Variants in DSC3 observed in about 807,000 individuals in gnomAD.
DSC3 encodes the protein desmocollin 3.
Under a neutral mutation model 89.5 loss-of-function variants are expected in DSC3, and 97 were observed. That is an observed-to-expected ratio of 1.08 (90% CI 0.92 to 1.28). The LOEUF is 1.28. DSC3 is among the 50% of genes most tolerant of loss of function. The pLI, the probability that DSC3 is intolerant of heterozygous loss-of-function variation, is 0.00. For missense variants in DSC3, 1,199 were observed against 1,085.3 expected, an observed-to-expected ratio of 1.10 and a Z score of -1.47; for synonymous variants, 436 against 384.1, an observed-to-expected ratio of 1.14 and a Z score of -1.58.
intron 13 of DSC3, among the ~76,000 whole-genome samples, chr18:31,001,974 C>G (rs985467796): frequency 2.0e-5 from 3 of 151,572 alleles, no homozygotes; most frequent in African/African-American, 7.3e-5. Flanking sequence ...TTCTGCCCAT[C>G]AAAATAAAGT....
chr18:31,038,751 G>A (rs1025345184), intron 1 of DSC3, among the ~76,000 whole-genome samples: 12 of 151,978 alleles, frequency 7.9e-5, no homozygotes, highest in Non-Finnish European at 1.6e-4. Flanking sequence ...ATGAACATTA[G>A]GGTATTCACG....
intron 13 of DSC3, among the ~76,000 whole-genome samples, chr18:31,002,779 C>A (rs1460290036): frequency 6.6e-6 from 1 of 151,360 alleles, no homozygotes. Context: ...ATATAATGTT[C>A]TATTGGAACA....
In DSC3 at chr18:31,022,281, G is replaced by A. The variant is rs1985446587; in HGVS notation, c.942+55C>T. ...ACAGGATAGCAAGTTATAATAAATGGGGGAGGGAAGCTTAATCCTCAGCGA... is the reference window on the plus strand; with the variant it reads ...ACAGGATAGCAAGTTATAATAAATGAGGGAGGGAAGCTTAATCCTCAGCGA... On this transcript the variant is annotated intron_variant, in intron 7 of 15. Transcript: ENST00000360428. The A allele has an allele frequency of 1.9e-6, 3 of 1,599,432 alleles. No homozygotes were observed. The East Asian group carries it at 6.7e-5, about 36-fold the overall frequency.
chr18:31,012,514 A>C (rs1369124852), intron 9 of DSC3, among the ~76,000 whole-genome samples: 1 of 152,174 alleles, frequency 6.6e-6, no homozygotes, highest in Non-Finnish European at 1.5e-5. Flanking sequence ...GACATTCAAC[A>C]CCTGACTGTG....
rs1042406525 is a variant in DSC3 at position 30,992,334 on chromosome 18, C to T, written c.*1841G>A. ...AAGGAGGGCTGCAGAAGGAATACAA[C>T]AATTCCCATGAATGCCTTGTTTGTT... On this transcript the variant is annotated 3_prime_UTR_variant, in exon 16 of 16. Transcript: ENST00000360428. The T allele has an allele frequency of 6.6e-6, 1 of 152,236 alleles. No homozygotes were observed. Among genetic ancestry groups the T allele is most frequent in the African/African-American group, 2.4e-5 (1 of 41,460 alleles). 9.4% of individuals were successfully genotyped at this position (152,236 alleles called of 1,614,324 possible). A position where few individuals can be genotyped will look rare whatever the true frequency, so the allele number is the denominator to read the frequency against.
rs775090037 is a variant in DSC3 at position 31,024,479 on chromosome 18, C to T, written c.645G>A (p.Ala215=). ...EYDVFDLIAY[A]STADGYSADL... ...CTGCTGAATATCCATCTGCAGTTGA[C>T]GCATAAGCAATCAACTGCAAAATAG... The change falls in exon 6 of 16, where the codon GCG becomes GCA. Residue 215 remains alanine, a synonymous_variant. Coordinates refer to ENST00000360428, the MANE Select transcript of DSC3 (RefSeq NM_001941.5). The T allele has an allele frequency of 2.0e-5, 33 of 1,612,366 alleles. No homozygotes were observed. Among genetic ancestry groups the T allele is most frequent in the African/African-American group, 2.7e-5 (2 of 74,834 alleles).
chr18:31,039,143 A>G (rs1986059525), intron 1 of DSC3, among the ~76,000 whole-genome samples: 1 of 152,130 alleles, frequency 6.6e-6, no homozygotes, highest in Non-Finnish European at 1.5e-5. Flanking sequence ...TGATAATATA[A>G]AGTATTACCT....
At chr18:30,997,076 G>A (rs1567948223) in intron 14 of DSC3, 28 bp from the exon 15 acceptor site, 1 of 1,613,604 alleles carries the variant, frequency 6.2e-7, no homozygotes, top group African/African-American at 1.3e-5. Flanking sequence ...AATAATTCAT[G>A]TTGAGAGGAA....
intron 8 of DSC3, among the ~76,000 whole-genome samples, 199 bp from the exon 9 acceptor site, chr18:31,018,455 G>A (rs1047309899): frequency 2.6e-5 from 4 of 152,066 alleles, no homozygotes; most frequent in Non-Finnish European, 5.9e-5. Context: ...AAGACTCATG[G>A]TACTGGCCTT....
At chr18:31,018,045 A>G in intron 9 of DSC3, 26 bp downstream of exon 9, 1 of 1,589,830 alleles carries the variant, frequency 6.3e-7, no homozygotes, top group Non-Finnish European at 8.6e-7. Flanking sequence ...TTAATTTGCT[A>G]AGTTGTCAAT....
chr18:31,012,470 T>C (rs1460526815), intron 9 of DSC3, among the ~76,000 whole-genome samples: 3 of 152,228 alleles, frequency 2.0e-5, no homozygotes, highest in African/African-American at 7.2e-5. Context: ...GTATCTTGGC[T>C]GTATGAACAG....
Position 30,996,799 on chromosome 18 carries a change from G to A in DSC3, c.2485C>T (p.Leu829Phe), listed in dbSNP as rs199793596. 5.6e-6 allele frequency: 9 copies of A among 1,613,556 alleles called. No individual in the cohort carries two copies. The Admixed American group carries it at 6.7e-5, about 12-fold the overall frequency. The change falls in exon 15 of 16, where the codon CTC becomes TTC. Residue 829 changes from leucine (L) to phenylalanine (F), a missense_variant. Physicochemically the swap from Leu to Phe is conservative, Grantham distance 22. Coordinates refer to ENST00000360428, the MANE Select transcript of DSC3 (RefSeq NM_001941.5). ...CACCTAAGGAAACTCACTTCACCGA[G>A]ACGGGGTTGAGTAAAACTGTGCCAC... is the stretch of plus-strand genomic sequence containing the variant. Reference protein sequence around the residue: ...SEWHSFTQPRLGEKLHRCNQN... With the variant: ...SEWHSFTQPRFGEKLHRCNQN...
chr18:31,037,708 G>A (rs188543924), intron 1 of DSC3, among the ~76,000 whole-genome samples: 7 of 152,060 alleles, frequency 4.6e-5, no homozygotes, highest in East Asian at 1.9e-4. Flanking sequence ...GAGACATGCC[G>A]GACCAACATG....
chr18:31,001,089 G>GTATATATATATATATA (rs67608580), intron 14 of DSC3, among the ~76,000 whole-genome samples: 4 of 126,032 alleles, frequency 3.2e-5, no homozygotes, highest in East Asian at 3.0e-4. Flanking sequence ...TTGTGTGTGT[G>GTATATATATATATATA]TATATATATA....
chr18:31,015,694 G>A lies in DSC3; in HGVS notation c.1263+2377C>T, dbSNP rs1985212198. Among the ~76,000 whole-genome samples the A allele has an allele frequency of 1.3e-5, 2 of 152,162 alleles. 1 individual carries two copies. Among genetic ancestry groups the A allele is most frequent in the South Asian group, 4.1e-4 (2 of 4,828 alleles). On this transcript the variant is annotated intron_variant, in intron 9 of 15. Transcript: ENST00000360428. ...AGAGAGACTGGAGAAGCTGCCTTCT[G>A]ACCAAGGAGCAGATAGACAGCACAC...
chr18:31,034,030 TTCG>T (rs1985891310), intron 1 of DSC3, among the ~76,000 whole-genome samples: 1 of 152,206 alleles, frequency 6.6e-6, no homozygotes, highest in African/African-American at 2.4e-5. Flanking sequence ...TTTCACCGTG[TTCG>T]CCAGGATTGT....
At chr18:31,039,943 T>C (rs1489350129) in intron 1 of DSC3, among the ~76,000 whole-genome samples, 1 of 152,180 alleles carries the variant, frequency 6.6e-6, no homozygotes, top group Non-Finnish European at 1.5e-5. Flanking sequence ...AATCTTCTTG[T>C]CACAAATGTA....
At position 31,030,964 on chromosome 18, in the gene DSC3, T is replaced by C. The variant is rs998358359; in HGVS notation, c.354+9A>G. 5 of 1,609,918 alleles carry C rather than the reference T, an allele frequency of 3.1e-6. No individual in the cohort carries two copies. The highest frequency in any genetic ancestry group is 1.7e-4 in the Middle Eastern group (1 of 6,060). On this transcript the variant is annotated intron_variant, in intron 3 of 15. Coordinates refer to ENST00000360428, the MANE Select transcript of DSC3 (RefSeq NM_001941.5). ...AAATGACTGAAAATATTTAATGTAC[T>C]TTAAATACCTTCTTCTGATGTTCTA...
chr18:31,031,544 T>A (rs1397794562), intron 2 of DSC3, among the ~76,000 whole-genome samples: 2 of 152,118 alleles, frequency 1.3e-5, no homozygotes, highest in African/African-American at 4.8e-5. Context: ...CAATACAATC[T>A]GAGTGTTTAA....
Sources: allele counts gnomAD v4.1 joint callset (sites outside exome capture counted in the v4.1 genomes callset), GRCh38; gene constraint gnomAD v4.1.1; transcripts MANE v1.5; gene names NCBI Gene and HGNC (gene_info 2026-07-23, HGNC 2026-07-21).